The following ELFN1 variants were observed in gnomAD, a reference collection of about 807,000 sequenced individuals.
ELFN1 encodes extracellular leucine rich repeat and fibronectin type III domain containing 1.
ELFN1 carries 6 observed loss-of-function variants against 7.6 expected under a neutral mutation model. The ratio of observed to expected loss-of-function variants is 0.79; its 90% confidence interval spans 0.43 to 1.56. The LOEUF is 1.56. Among genes scored for constraint, ELFN1 ranks in the 40% most tolerant of loss-of-function variants. The pLI is 0.01. For missense variants in ELFN1, 1,169 were observed against 1,232.2 expected, an observed-to-expected ratio of 0.95 and a Z score of 0.77; for synonymous variants, 657 against 588.1, an observed-to-expected ratio of 1.12 and a Z score of -1.70.
At chr7:1,694,067 G>A (rs1779244297) in intron 2 of ELFN1, 3 of 303,952 alleles carry the variant, frequency 9.9e-6, no homozygotes, top group South Asian at 6.7e-5. Context: ...CGCCCAGTCT[G>A]TGGTCCTGGT....
chr7:1,694,770 T>C (rs973857884), intron 2 of ELFN1, among the ~76,000 whole-genome samples: 10 of 152,194 alleles, frequency 6.6e-5, no homozygotes, highest in African/African-American at 2.4e-4. Flanking sequence ...TTGCCAAACT[T>C]AGACTGACTC....
At chr7:1,706,154 G>A (rs1562367544) in intron 2 of ELFN1, among the ~76,000 whole-genome samples, 1 of 152,202 alleles carries the variant, frequency 6.6e-6, no homozygotes, top group Non-Finnish European at 1.5e-5. Context: ...GCTGGGCACC[G>A]TGGCTCACGC....
intron 2 of ELFN1, among the ~76,000 whole-genome samples, chr7:1,698,082 A>G (rs983321203): frequency 1.3e-5 from 2 of 152,224 alleles, no homozygotes; most frequent in African/African-American, 4.8e-5. Context: ...CACAACAGTT[A>G]CCATCTCTCC....
intron 3 of ELFN1, among the ~76,000 whole-genome samples, chr7:1,736,090 G>A (rs1280282946): frequency 1.3e-5 from 2 of 152,182 alleles, no homozygotes; most frequent in Admixed American, 6.5e-5. Flanking sequence ...GCGGCTCGAG[G>A]CCCAACTGCC....
At position 1,670,385 on chromosome 7, in the gene ELFN1, C is replaced by G. The variant is rs554025983; in HGVS notation, c.-549+31C>G. 1.4e-4 allele frequency among the ~76,000 whole-genome samples: 21 copies of G among 151,852 alleles called. No homozygotes were observed. In the South Asian group the frequency reaches 3.7e-3, roughly 27 times the overall value. Reference sequence around the variant, plus strand: ...CGGCGAGCGCGGCCGGGCGCTGAACCTGGGGGACTTGGGACCCGGACCACC... The same window carrying G: ...CGGCGAGCGCGGCCGGGCGCTGAACGTGGGGGACTTGGGACCCGGACCACC... On this transcript the variant is annotated intron_variant, in intron 1 of 3. Transcript: ENST00000424383. The surrounding 1 kb of genome is among the most constrained non-coding windows in gnomAD (Gnocchi z 6.4).
At chr7:1,712,367 G>A (rs978375343) in intron 3 of ELFN1, among the ~76,000 whole-genome samples, 16 of 151,238 alleles carry the variant, frequency 1.1e-4, no homozygotes, top group Non-Finnish European at 1.9e-4. Flanking sequence ...TGATCTGCCC[G>A]CCTCGGCCTC....
Position 1,746,793 on chromosome 7 carries a change from A to G in ELFN1, c.2197A>G (p.Lys733Glu). The G allele has an allele frequency of 6.5e-7, 1 of 1,529,250 alleles. No individual in the cohort carries two copies. Among genetic ancestry groups the G allele is most frequent in the Non-Finnish European group, 8.8e-7 (1 of 1,141,686 alleles). 94.7% of individuals were successfully genotyped at this position (1,529,250 alleles called of 1,614,324 possible). A position where few individuals can be genotyped will look rare whatever the true frequency, so the allele number is the denominator to read the frequency against. ...GCCTCCGCACGAGGGCCTGGGGCGCAAGGCGTCCATCCTGGAGCCACTCAC... is the reference window on the plus strand; with the variant it reads ...GCCTCCGCACGAGGGCCTGGGGCGCGAGGCGTCCATCCTGGAGCCACTCAC... ...PPPPHEGLGR[K>E]ASILEPLTRP... is the part of the protein sequence containing the mutation. Residue 733 changes from lysine (K) to glutamate (E), a missense_variant, in exon 4 of 4, where the codon AAG (lysine) becomes GAG (glutamate). Transcript: ENST00000424383.
intron 3 of ELFN1, among the ~76,000 whole-genome samples, chr7:1,717,245 G>C (rs1428889966): frequency 6.6e-6 from 1 of 152,222 alleles, no homozygotes; most frequent in East Asian, 1.9e-4. Context: ...CAGCCTTGCT[G>C]TTCTCTGCAT....
At chr7:1,724,655 A>T (rs1336172025) in intron 3 of ELFN1, among the ~76,000 whole-genome samples, 1 of 152,142 alleles carries the variant, frequency 6.6e-6, no homozygotes, top group Non-Finnish European at 1.5e-5. Context: ...GGACTCAAGC[A>T]TAAGTGATCA....
intron 3 of ELFN1, among the ~76,000 whole-genome samples, chr7:1,713,400 C>T (rs766793480): frequency 5.3e-5 from 8 of 152,130 alleles, no homozygotes; most frequent in Non-Finnish European, 8.8e-5. Flanking sequence ...TGGGGTGGGA[C>T]GCATTGTTTC....
chr7:1,693,888 C>T (rs1393207271), intron 2 of ELFN1: 3 of 416,748 alleles, frequency 7.2e-6, no homozygotes, highest in Admixed American at 2.7e-5. Flanking sequence ...TCCTCCTCCC[C>T]AGTCCATGCC....
intron 2 of ELFN1, among the ~76,000 whole-genome samples, chr7:1,700,522 T>C (rs1779404830): frequency 6.6e-6 from 1 of 152,266 alleles, no homozygotes; most frequent in Admixed American, 6.5e-5. Flanking sequence ...CCATTCATTG[T>C]GCTTGGTGCT....
chr7:1,718,969 G>A (rs73040545), intron 3 of ELFN1, among the ~76,000 whole-genome samples: 53 of 152,264 alleles, frequency 3.5e-4, no homozygotes, highest in Non-Finnish European at 7.2e-4. Context: ...GGCTGGAAAC[G>A]TGAGCTTCCT....
chr7:1,668,072 T>A (rs1190647552), upstream of ELFN1, among the ~76,000 whole-genome samples: 1 of 152,044 alleles, frequency 6.6e-6, no homozygotes, highest in East Asian at 1.9e-4. Context: ...GCTGGGGTCC[T>A]GGCTCCTCAG....
Position 1,745,169 on chromosome 7 carries a change from C to G in ELFN1, c.573C>G (p.Pro191=). 1 of 1,549,088 alleles carries G rather than the reference C, an allele frequency of 6.5e-7. No homozygotes were observed. ...KLSVCELYSN[P]FYCSCELLGF... Reference sequence around the variant, plus strand: ...CGGTGTGCGAGCTCTACAGCAACCCCTTCTACTGCTCCTGCGAGCTGCTGG... The same window carrying G: ...CGGTGTGCGAGCTCTACAGCAACCCGTTCTACTGCTCCTGCGAGCTGCTGG... Residue 191 remains proline (P), a synonymous_variant, in exon 4 of 4, where the codon CCC becomes CCG. Coordinates refer to ENST00000424383, the MANE Select transcript of ELFN1 (RefSeq NM_001128636.4).
intron 1 of ELFN1, among the ~76,000 whole-genome samples, chr7:1,682,777 G>C (rs193262013): frequency 1.3e-5 from 2 of 152,226 alleles, no homozygotes; most frequent in Non-Finnish European, 2.9e-5. Context: ...AATAGCAGAG[G>C]TGCTTTGTTC....
In ELFN1 at chr7:1,740,407, C is replaced by T. The variant is rs1326835174; in HGVS notation, c.-293-3897C>T. Among the ~76,000 whole-genome samples the T allele has an allele frequency of 6.6e-6, 1 of 152,252 alleles. No homozygotes were observed. The highest frequency in any genetic ancestry group is 1.5e-5 in the Non-Finnish European group (1 of 68,030). On this transcript the variant is annotated intron_variant, in intron 3 of 3. Transcript: ENST00000424383. The surrounding 1 kb of genome is among the most constrained non-coding windows in gnomAD (Gnocchi z 5.0). ...GTAACGCCCATGCGGGGTCTCCGCA[C>T]CTGCCCTCCGTGCCAGACAGCACTC...
chr7:1,674,025 A>C (rs561903439), intron 1 of ELFN1, among the ~76,000 whole-genome samples: 1 of 152,050 alleles, frequency 6.6e-6, no homozygotes, highest in African/African-American at 2.4e-5. Flanking sequence ...GGGGGTACAC[A>C]GGAGCTGGTG....
upstream of ELFN1, among the ~76,000 whole-genome samples, chr7:1,669,454 C>A (rs1778719038): frequency 1.3e-5 from 2 of 152,224 alleles, no homozygotes; most frequent in Admixed American, 1.3e-4. Flanking sequence ...GGGGCCTGCC[C>A]GGCCCGAGCG....
Sources: allele counts gnomAD v4.1 joint callset (sites outside exome capture counted in the v4.1 genomes callset), GRCh38; gene constraint gnomAD v4.1.1; non-coding constraint Gnocchi (gnomAD v3.1); transcripts MANE v1.5; gene names NCBI Gene and HGNC (gene_info 2026-07-23, HGNC 2026-07-21).